EDC4: variants seen among roughly 807,000 people sequenced by gnomAD.
EDC4 encodes the protein enhancer of mRNA decapping 4.
EDC4 carries 64 observed loss-of-function variants against 155.8 expected under a neutral mutation model. The ratio of observed to expected loss-of-function variants is 0.41; its 90% CI spans 0.34 to 0.51. EDC4 has a LOEUF of 0.51. Ranked by LOEUF, EDC4 falls within the 20% of genes least tolerant of loss-of-function variation. The pLI, the probability that EDC4 is intolerant of heterozygous loss-of-function variation, is 0.19. For synonymous variants in EDC4, 684 were observed against 716.8 expected (o/e 0.95, Z 0.73); for missense variants, 1,303 against 1,812.5 (o/e 0.72, Z 5.10).
rs2058042888 is a variant in EDC4 at position 67,876,677 on chromosome 16, TC to T, written c.351+80del. The T allele has an allele frequency of 6.3e-7, 1 of 1,582,014 alleles. No individual in the cohort carries two copies. Among genetic ancestry groups the T allele is most frequent in the African/African-American group, 1.3e-5 (1 of 74,426 alleles). ...TTCCAGTCTCCCTCATGCTGCCAGT[TC>T]CTATGGGGACCACCTTGACACTTTC... On this transcript the variant is annotated intron_variant, in intron 3 of 28. Transcript: ENST00000358933. This position sits in a 1 kb window ranked among gnomAD's most constrained non-coding sequence, Gnocchi z 5.8.
rs1328740151 is a variant in EDC4, at chr16:67,882,362, G to T, written c.3276+35G>T. 1 of 1,613,470 alleles carries T rather than the reference G, an allele frequency of 6.2e-7. No homozygotes were observed. Among genetic ancestry groups the T allele is most frequent in the East Asian group, 2.2e-5 (1 of 44,880 alleles). On this transcript the variant is annotated intron_variant, in intron 24 of 28. Coordinates refer to ENST00000358933, the MANE Select transcript of EDC4 (RefSeq NM_014329.5). This position sits in a 1 kb window ranked among gnomAD's most constrained non-coding sequence, Gnocchi z 7.2. Reference sequence around the variant, plus strand: ...GGCCCAAGATGTGGGTGGAGGTGGTGGTTCCTGGGCCTAGTCAGGCCAGGC... The same window carrying T: ...GGCCCAAGATGTGGGTGGAGGTGGTTGTTCCTGGGCCTAGTCAGGCCAGGC...
chr16:67,884,292 C>A lies in EDC4; in HGVS notation c.*144C>A. On this transcript the variant is annotated 3_prime_UTR_variant, in exon 29 of 29. Transcript: ENST00000358933. This position sits in a 1 kb window ranked among gnomAD's most constrained non-coding sequence, Gnocchi z 4.1. ...GGGGTCAGGGAGCAGGGAGCACTGG[C>A]CGTGGTCTACAGCGTGTGGTAGTCA... 2 of 772,402 alleles carry A rather than the reference C, an allele frequency of 2.6e-6. No individual in the cohort carries two copies. Among genetic ancestry groups the A allele is most frequent in the Non-Finnish European group, 4.0e-6 (2 of 497,510 alleles). 47.8% of individuals were successfully genotyped at this position (772,402 alleles called of 1,614,324 possible). A position where few individuals can be genotyped will look rare whatever the true frequency, so the allele number is the denominator to read the frequency against.
rs2058045100 is a variant in EDC4 at position 67,877,130 on chromosome 16, G to A, written c.452-87G>A. 2.0e-6 allele frequency: 3 copies of A among 1,537,098 alleles called. No homozygotes were observed. Among genetic ancestry groups the A allele is most frequent in the African/African-American group, 1.4e-5 (1 of 73,178 alleles). ...GAAAACCAAGCTTGAGACTCTGGTG[G>A]TGGCAGGGAGACAGGTGGGGCAGCG... On this transcript the variant is annotated intron_variant, in intron 4 of 28. Coordinates refer to ENST00000358933, the MANE Select transcript of EDC4 (RefSeq NM_014329.5). This position sits in a 1 kb window ranked among gnomAD's most constrained non-coding sequence, Gnocchi z 4.9.
rs1400709944 is a variant in EDC4 at position 67,883,989 on chromosome 16, C to T, written c.4047C>T (p.His1349=). 8.1e-6 allele frequency: 13 copies of T among 1,612,738 alleles called. No homozygotes were observed. The South Asian group carries it at 1.1e-4, about 14-fold the overall frequency. ...AAGAGGCCGTGATGCACCTGGACCA[C>T]AGTGACCCCATCACTCGGGACCACA... The part of the protein sequence containing the change: ...YLEEAVMHLD[H]SDPITRDHMG... Residue 1349 remains histidine, a synonymous_variant, in exon 29 of 29, where the codon CAC becomes CAT. Transcript: ENST00000358933. This position sits in a 1 kb window ranked among gnomAD's most constrained non-coding sequence, Gnocchi z 5.3.
At chr16:67,873,907 A>G (rs1450157230) in intron 1 of EDC4, among the ~76,000 whole-genome samples, 1 of 152,148 alleles carries the variant, frequency 6.6e-6, no homozygotes, top group African/African-American at 2.4e-5. Context: ...TTATGCTACA[A>G]ATATCTGCAA....
rs778918327 is a variant in EDC4, at chr16:67,884,162, C to G, written c.*14C>G. 8 of 1,595,196 alleles carry G rather than the reference C, an allele frequency of 5.0e-6. No individual in the cohort carries two copies. In the Admixed American group the frequency reaches 1.4e-4, roughly 27 times the overall value. ...AGCCTCCCTTAGCTGCTAAGCCTGC[C>G]TTGCCCAGGGGTGGGATGGCACTGA... On this transcript the variant is annotated 3_prime_UTR_variant, in exon 29 of 29. Transcript: ENST00000358933. This position sits in a 1 kb window ranked among gnomAD's most constrained non-coding sequence, Gnocchi z 4.1.
Position 67,873,358 on chromosome 16 carries a change from C to T in EDC4, c.82+15C>T, listed in dbSNP as rs1474077262. ...GCCCGCGGGCGGTGAGCGGGGGTTGCGGGGGTGGGCCCCAGGCGAGCTGAC... is the reference window on the plus strand; with the variant it reads ...GCCCGCGGGCGGTGAGCGGGGGTTGTGGGGGTGGGCCCCAGGCGAGCTGAC... On this transcript the variant is annotated intron_variant, in intron 1 of 28. Coordinates refer to ENST00000358933, the MANE Select transcript of EDC4 (RefSeq NM_014329.5). 1.4e-6 allele frequency: 2 copies of T among 1,434,302 alleles called. No individual in the cohort carries two copies. The highest frequency in any genetic ancestry group is 3.0e-5 in the East Asian group (1 of 33,332). 88.8% of individuals were successfully genotyped at this position (1,434,302 alleles called of 1,614,324 possible).
rs1204687612 is a variant in EDC4, at chr16:67,878,658, A to G, written c.1184+27A>G. 1.2e-6 allele frequency: 2 copies of G among 1,613,974 alleles called. No homozygotes were observed. Among genetic ancestry groups the G allele is most frequent in the Admixed American group, 3.3e-5 (2 of 60,010 alleles). ...TAAGCAGTGGCTGGAAGGCTGGGGG[A>G]CTGGGCAGGGGCGGCAGGGTTGGGA... On this transcript the variant is annotated intron_variant, in intron 10 of 28. Coordinates refer to ENST00000358933, the MANE Select transcript of EDC4 (RefSeq NM_014329.5). This position sits in a 1 kb window ranked among gnomAD's most constrained non-coding sequence, Gnocchi z 5.2.
rs1445931644 is a variant in EDC4 at position 67,882,090 on chromosome 16, C to T, written c.3141C>T (p.Ile1047=). ...GRLERSIRDE[I]KKTVPPCVSR... ...TAGAGCGCAGCATACGGGATGAGATCAAGAAGACAGTCCCTCCATGTGAGT... is the reference window on the plus strand; with the variant it reads ...TAGAGCGCAGCATACGGGATGAGATTAAGAAGACAGTCCCTCCATGTGAGT... Residue 1047 remains isoleucine, a synonymous_variant, in exon 23 of 29, where the codon ATC becomes ATT. Coordinates refer to ENST00000358933, the MANE Select transcript of EDC4 (RefSeq NM_014329.5). This position sits in a 1 kb window ranked among gnomAD's most constrained non-coding sequence, Gnocchi z 7.2. 1 of 1,613,820 alleles carries T rather than the reference C, an allele frequency of 6.2e-7. No homozygotes were observed. Among genetic ancestry groups the T allele is most frequent in the Non-Finnish European group, 8.5e-7 (1 of 1,180,016 alleles).
rs774206809 is a variant in EDC4 at position 67,882,486 on chromosome 16, G to A, written c.3334G>A (p.Ala1112Thr). 15 of 1,614,100 alleles carry A rather than the reference G, an allele frequency of 9.3e-6. No homozygotes were observed. The highest frequency in any genetic ancestry group is 1.2e-5 in the Non-Finnish European group (14 of 1,180,046). Reference protein sequence around the residue: ...AADTLQGPMQAAYREAFQSVV... With the variant: ...AADTLQGPMQTAYREAFQSVV... ...AGACACATTACAAGGGCCGATGCAG[G>A]CTGCCTACCGGGAAGCCTTCCAGAG... is the stretch of plus-strand genomic sequence containing the variant. Residue 1112 changes from alanine to threonine, a missense_variant, in exon 25 of 29, where the codon GCT (alanine) becomes ACT (threonine). Coordinates refer to ENST00000358933, the MANE Select transcript of EDC4 (RefSeq NM_014329.5). The surrounding 1 kb of genome is among the most constrained non-coding windows in gnomAD (Gnocchi z 7.2).
In EDC4 at chr16:67,880,839, G is replaced by C; in HGVS notation, c.2380G>C (p.Gly794Arg). The change falls in exon 18 of 29, where the codon GGG (glycine) becomes CGG (arginine). Residue 794 changes from glycine (G) to arginine (R), a missense_variant. By Grantham distance (125) the Gly-to-Arg change is moderately radical. Around this residue, in one of 5 missense-constraint regions of EDC4, gnomAD observed 391 missense variants for 445.4 expected, o/e 0.88. Transcript: ENST00000358933. This position sits in a 1 kb window ranked among gnomAD's most constrained non-coding sequence, Gnocchi z 5.2. ...AGGGCCCGAGCTCGGCCCCCAGCTC[G>C]GGCTTGATGGAGGCCCTGGGGATGG... is the stretch of plus-strand genomic sequence containing the variant. ...RPGPELGPQL[G>R]LDGGPGDGDR... is the part of the protein sequence containing the mutation. 1 of 1,613,934 alleles carries C rather than the reference G, an allele frequency of 6.2e-7. No individual in the cohort carries two copies. The highest frequency in any genetic ancestry group is 8.5e-7 in the Non-Finnish European group (1 of 1,179,998).
chr16:67,877,111 C>T lies in EDC4; in HGVS notation c.452-106C>T. On this transcript the variant is annotated intron_variant, in intron 4 of 28. Coordinates refer to ENST00000358933, the MANE Select transcript of EDC4 (RefSeq NM_014329.5). The surrounding 1 kb of genome is among the most constrained non-coding windows in gnomAD (Gnocchi z 4.9). The stretch of plus-strand genomic sequence containing the variant: ...CTCTTGGGGAGCTGGGTGGGAAAAC[C>T]AAGCTTGAGACTCTGGTGGTGGCAG... 2.0e-6 allele frequency: 3 copies of T among 1,533,958 alleles called. No homozygotes were observed. The highest frequency in any genetic ancestry group is 1.8e-6 in the Non-Finnish European group (2 of 1,139,882).
chr16:67,877,408 T>G lies in EDC4; in HGVS notation c.641+2T>G. On this transcript the variant is annotated splice_donor_variant, in intron 5 of 28. Coordinates refer to ENST00000358933, the MANE Select transcript of EDC4 (RefSeq NM_014329.5). LOFTEE classifies it high-confidence loss of function. The surrounding 1 kb of genome is among the most constrained non-coding windows in gnomAD (Gnocchi z 4.9). ...GGCTCTGGTTAATGGCAAAATTCAG[T>G]ATCCATTCCTTCCTGTGGGTGGTGG... is the stretch of plus-strand genomic sequence containing the variant. The G allele has an allele frequency of 6.2e-7, 1 of 1,612,406 alleles. No homozygotes were observed. The highest frequency in any genetic ancestry group is 8.5e-7 in the Non-Finnish European group (1 of 1,179,060).
chr16:67,875,009 G>A (rs2058036022), intron 1 of EDC4, among the ~76,000 whole-genome samples: 1 of 152,190 alleles, frequency 6.6e-6, no homozygotes, highest in Admixed American at 6.5e-5. Flanking sequence ...GAACCCAGGG[G>A]GTAGAGGTTG....
Position 67,879,498 on chromosome 16 carries a change from A to G in EDC4, c.1628A>G (p.Asp543Gly). 1 of 1,614,096 alleles carries G rather than the reference A, an allele frequency of 6.2e-7. No homozygotes were observed. Among genetic ancestry groups the G allele is most frequent in the Non-Finnish European group, 8.5e-7 (1 of 1,180,000 alleles). ...APLPTHTAHE[D>G]FTFGESRPEL... ...CTGCCCACCCACACTGCCCACGAGG[A>G]CTTCAGTGAGTAGGGCGTGAGAGGG... Residue 543 changes from aspartate to glycine, a missense_variant, in exon 14 of 29, where the codon GAC becomes GGC. By Grantham distance (94) the Asp-to-Gly change is moderately conservative. Around this residue, in one of 5 missense-constraint regions of EDC4, gnomAD observed 391 missense variants for 445.4 expected, o/e 0.88. Coordinates refer to ENST00000358933, the MANE Select transcript of EDC4 (RefSeq NM_014329.5). The surrounding 1 kb of genome is among the most constrained non-coding windows in gnomAD (Gnocchi z 6.0).
Position 67,880,163 on chromosome 16 carries a change from C to T in EDC4, c.2044C>T (p.Pro682Ser), listed in dbSNP as rs772976256. ...TCAGGCAAGCCCGCGTGGCCTCCTG[C>T]CTGGCCTGCTCCCAGCCCCAGCTGA... The part of the protein sequence containing the change: ...SLQASPRGLL[P>S]GLLPAPADKL... The change falls in exon 17 of 29, where the codon CCT becomes TCT. Residue 682 changes from proline (P) to serine (S), a missense_variant. Physicochemically the swap from Pro to Ser is moderately conservative, Grantham distance 74. Transcript: ENST00000358933. This position sits in a 1 kb window ranked among gnomAD's most constrained non-coding sequence, Gnocchi z 5.2. 12 of 1,612,498 alleles carry T rather than the reference C, an allele frequency of 7.4e-6. No individual in the cohort carries two copies. The highest frequency in any genetic ancestry group is 1.3e-5 in the African/African-American group (1 of 74,928).
chr16:67,875,660 A>C, intron 1 of EDC4: 1 of 1,107,050 alleles, frequency 9.0e-7, no homozygotes, highest in Non-Finnish European at 1.1e-6. Flanking sequence ...CTCAGTCCAC[A>C]GAGTTCTTCT....
In EDC4 at chr16:67,883,862, ACCCAGAGGGTT is replaced by A; in HGVS notation, c.4014-90_4014-80del. On this transcript the variant is annotated intron_variant, in intron 28 of 28. Transcript: ENST00000358933. The surrounding 1 kb of genome is among the most constrained non-coding windows in gnomAD (Gnocchi z 5.3). ...TTCTCCACCAGTCCTTTCTGCCTTC[ACCCAGAGGGTT>A]CCCTCTGGGCCTCGGTGCCACCAGG... 6.5e-7 allele frequency: 1 copy of A among 1,530,980 alleles called. No homozygotes were observed. Among genetic ancestry groups the A allele is most frequent in the Non-Finnish European group, 8.8e-7 (1 of 1,132,014 alleles). The allele number at this position is 1,530,980 out of a possible 1,614,324, so 94.8% of individuals were successfully genotyped here. A position where few individuals can be genotyped will look rare whatever the true frequency, so the allele number is the denominator to read the frequency against.
chr16:67,880,653 G>A lies in EDC4; in HGVS notation c.2194G>A (p.Val732Ile). The change falls in exon 18 of 29, where the codon GTC becomes ATC. Residue 732 changes from valine (V) to isoleucine (I), a missense_variant. Val to Ile is a conservative substitution (Grantham distance 29, BLOSUM62 3). Around this residue, in one of 5 missense-constraint regions of EDC4, gnomAD observed 391 missense variants for 445.4 expected, o/e 0.88. Coordinates refer to ENST00000358933, the MANE Select transcript of EDC4 (RefSeq NM_014329.5). The surrounding 1 kb of genome is among the most constrained non-coding windows in gnomAD (Gnocchi z 5.2). ...CCCTAGCCGCACTCGTTCCCCTGATGTCATCTCCTCAGCTTCCACTGCCCT... is the reference window on the plus strand; with the variant it reads ...CCCTAGCCGCACTCGTTCCCCTGATATCATCTCCTCAGCTTCCACTGCCCT... ...ASPSRTRSPDVISSASTALSQ... is the reference protein window; with the variant it reads ...ASPSRTRSPDIISSASTALSQ... 6.2e-7 allele frequency: 1 copy of A among 1,614,182 alleles called. No homozygotes were observed. The highest frequency in any genetic ancestry group is 8.5e-7 in the Non-Finnish European group (1 of 1,180,032).
Sources: allele counts gnomAD v4.1 joint callset (sites outside exome capture counted in the v4.1 genomes callset), GRCh38; gene constraint gnomAD v4.1.1; regional missense constraint gnomAD v4.1.1; non-coding constraint Gnocchi (gnomAD v3.1); transcripts MANE v1.5; gene names NCBI Gene and HGNC (gene_info 2026-07-23, HGNC 2026-07-21).